SLC36A3: variants seen among roughly 807,000 people sequenced by gnomAD.
SLC36A3 encodes solute carrier family 36 member 3, also known as proton-coupled amino acid transporter 3.
A neutral mutation model predicts 44.3 loss-of-function variants in SLC36A3; 35 were observed. The ratio of observed to expected loss-of-function variants is 0.79; its 90% CI spans 0.60 to 1.05. The LOEUF (loss-of-function observed/expected upper bound fraction) is 1.05. Among genes scored for constraint, SLC36A3 ranks in the 50% least tolerant of loss-of-function variants. The probability of loss-of-function intolerance (pLI) is 0.00; values close to 1 mark genes in which losing one functional copy is unlikely to be tolerated. For synonymous variants in SLC36A3, 211 were observed against 227.6 expected (o/e 0.93, Z 0.66); for missense variants, 540 against 578.7 (o/e 0.93, Z 0.69).
rs747899241 is a variant in SLC36A3, at chr5:151,284,180, G to T, written c.838C>A (p.Pro280Thr). 1.9e-6 allele frequency: 3 copies of T among 1,611,722 alleles called. No homozygotes were observed. The highest frequency in any genetic ancestry group is 2.5e-6 in the Non-Finnish European group (3 of 1,179,290). The change falls in exon 8 of 10, where the codon CCA becomes ACA. Residue 280 changes from proline to threonine, a missense_variant. Pro to Thr is a conservative substitution (Grantham distance 38). Coordinates refer to ENST00000335230, the MANE Select transcript of SLC36A3 (RefSeq NM_181774.4). ...TACAGAACAAAAGAAAACTGCTGTG[G>T]ATGCTTCATCTGGTTTTTGAGAGGC... ...VLPLKNQMKH[P>T]QQFSFVLYLG...
At chr5:151,279,424 G>T (rs1279741001) in intron 9 of SLC36A3, among the ~76,000 whole-genome samples, 1 of 152,174 alleles carries the variant, frequency 6.6e-6, no homozygotes, top group Non-Finnish European at 1.5e-5. Context: ...CACAATGCCA[G>T]GTATGTAGTA....
At chr5:151,299,264 C>CTCTCTCTCTCTCTCTCTATA (rs1372309288) in intron 1 of SLC36A3, among the ~76,000 whole-genome samples, 7 of 59,646 alleles carry the variant, frequency 1.2e-4, no homozygotes, top group Admixed American at 2.4e-4. Context: ...CTCTCTCTCT[C>CTCTCTCTCTCTCTCTCTATA]TATATATATA....
chr5:151,279,632 T>C (rs980294022), intron 9 of SLC36A3, among the ~76,000 whole-genome samples: 8 of 152,186 alleles, frequency 5.3e-5, no homozygotes, highest in African/African-American at 1.2e-4. Flanking sequence ...CCCTTCCTAG[T>C]AGGAATGATC....
Position 151,298,573 on chromosome 5 carries a change from ATCCCAC to A in SLC36A3, c.219+14_219+19del. On this transcript the variant is annotated intron_variant, in intron 2 of 9. Coordinates refer to ENST00000335230, the MANE Select transcript of SLC36A3 (RefSeq NM_181774.4). ...CTGCAAATGAGCAAACCTAGTTCCC[ATCCCAC>A]AGATGCCTCTTACCAACAAGCCGGC... 6.2e-7 allele frequency: 1 copy of A among 1,613,552 alleles called. No individual in the cohort carries two copies. Among genetic ancestry groups the A allele is most frequent in the African/African-American group, 1.3e-5 (1 of 75,028 alleles).
chr5:151,292,992 C>T (rs182694668), intron 4 of SLC36A3, among the ~76,000 whole-genome samples: 4 of 151,756 alleles, frequency 2.6e-5, no homozygotes, highest in Non-Finnish European at 4.4e-5. Context: ...CCCTCCCCCC[C>T]CAAAAATGAG....
In SLC36A3 at chr5:151,296,171, G is replaced by C; in HGVS notation, c.308+9C>G. 1 of 1,613,854 alleles carries C rather than the reference G, an allele frequency of 6.2e-7. No individual in the cohort carries two copies. Among genetic ancestry groups the C allele is most frequent in the Non-Finnish European group, 8.5e-7 (1 of 1,179,818 alleles). ...CAGTGCTGGAATGAGAGAGAAGCAG[G>C]CCTCTGACCTCTGGCTGAGGTGTTG... is the stretch of plus-strand genomic sequence containing the variant. On this transcript the variant is annotated intron_variant, in intron 3 of 9. Transcript: ENST00000335230.
chr5:151,289,470 T>C lies in SLC36A3; in HGVS notation c.405-1000A>G, dbSNP rs75489715. Among the ~76,000 whole-genome samples the C allele has an allele frequency of 9.7e-3, 1,466 of 151,166 alleles. 16 individuals carry two copies. Among genetic ancestry groups the C allele is most frequent in the African/African-American group, 0.034 (1,394 of 41,068 alleles). ...ATGATCACACCACTACACTCTAGCCTGAGAAACAGAGTGAGAATCTGCCTC... is the reference window on the plus strand; with the variant it reads ...ATGATCACACCACTACACTCTAGCCCGAGAAACAGAGTGAGAATCTGCCTC... On this transcript the variant is annotated intron_variant, in intron 4 of 9. Coordinates refer to ENST00000335230, the MANE Select transcript of SLC36A3 (RefSeq NM_181774.4).
In SLC36A3 at chr5:151,303,536, G is replaced by C. The variant is rs1024932217; in HGVS notation, c.-182C>G. On this transcript the variant is annotated 5_prime_UTR_variant, in exon 1 of 10. Transcript: ENST00000335230. Reference sequence around the variant, plus strand: ...CAGGGAAGCGGTGGTGGCAGGAGAGGCTGATGTTGATGATGCCTCACCTGG... The same window carrying C: ...CAGGGAAGCGGTGGTGGCAGGAGAGCCTGATGTTGATGATGCCTCACCTGG... The C allele has an allele frequency of 1.8e-5, 10 of 565,198 alleles. No individual in the cohort carries two copies. The highest frequency in any genetic ancestry group is 1.5e-4 in the African/African-American group (8 of 53,342). The allele number at this position is 565,198 out of a possible 1,614,324, so 35.0% of individuals were successfully genotyped here.
Position 151,298,821 on chromosome 5 carries a change from A to G in SLC36A3, c.129-138T>C, listed in dbSNP as rs1755050899. 1.1e-5 allele frequency: 8 copies of G among 725,360 alleles called. No individual in the cohort carries two copies. The South Asian group carries it at 1.4e-4, about 12-fold the overall frequency. 44.9% of individuals were successfully genotyped at this position (725,360 alleles called of 1,614,324 possible). On this transcript the variant is annotated intron_variant, in intron 1 of 9. Transcript: ENST00000335230. ...ACCTGATGAGGTGGACTTGGAGACAACTCTCAGTTCTAGGGGTCTGTCCTG... is the reference window on the plus strand; with the variant it reads ...ACCTGATGAGGTGGACTTGGAGACAGCTCTCAGTTCTAGGGGTCTGTCCTG...
chr5:151,301,095 C>T (rs1028792262), intron 1 of SLC36A3, among the ~76,000 whole-genome samples: 8 of 152,164 alleles, frequency 5.3e-5, no homozygotes, highest in African/African-American at 1.2e-4. Context: ...ATTAAGACAG[C>T]GAAAGAAATC....
rs761022032 is a variant in SLC36A3 at position 151,280,977 on chromosome 5, T to C, written c.1144+37A>G. ...TGGGCGCCAGCGTGGCTCCCTGTCATAGCTTTGGGTAAAGAGTGCCCTTTT... is the reference window on the plus strand; with the variant it reads ...TGGGCGCCAGCGTGGCTCCCTGTCACAGCTTTGGGTAAAGAGTGCCCTTTT... On this transcript the variant is annotated intron_variant, in intron 9 of 9. Coordinates refer to ENST00000335230, the MANE Select transcript of SLC36A3 (RefSeq NM_181774.4). The C allele has an allele frequency of 1.1e-5, 18 of 1,612,590 alleles. 1 individual carries two copies. The highest frequency in any genetic ancestry group is 1.6e-4 in the Middle Eastern group (1 of 6,078).
In SLC36A3 at chr5:151,276,372, A is replaced by G. The variant is rs979865120; in HGVS notation, c.*1021T>C. ...AGTTTGTATTCTTTTTTTGGTCTGG[A>G]TTTTGTCATTCAGCATATTTATTTT... On this transcript the variant is annotated 3_prime_UTR_variant, in exon 10 of 10. Coordinates refer to ENST00000335230, the MANE Select transcript of SLC36A3 (RefSeq NM_181774.4). 6.6e-6 allele frequency among the ~76,000 whole-genome samples: 1 copy of G among 152,004 alleles called. No homozygotes were observed. The highest frequency in any genetic ancestry group is 6.6e-5 in the Admixed American group (1 of 15,262).
chr5:151,280,911 G>C, intron 9 of SLC36A3, 103 bp downstream of exon 9: 1 of 1,421,582 alleles, frequency 7.0e-7, no homozygotes, highest in Non-Finnish European at 9.7e-7. Flanking sequence ...TCCCACCCTA[G>C]GTCACAAAGA....
At chr5:151,302,404 A>C (rs1366012939) in intron 1 of SLC36A3, among the ~76,000 whole-genome samples, 1 of 152,218 alleles carries the variant, frequency 6.6e-6, no homozygotes, top group Non-Finnish European at 1.5e-5. Flanking sequence ...AGTTCTGTTG[A>C]AATCATGTCC....
chr5:151,283,057 A>G (rs572777165), intron 8 of SLC36A3, among the ~76,000 whole-genome samples: 8 of 151,790 alleles, frequency 5.3e-5, no homozygotes, highest in Non-Finnish European at 8.8e-5. Context: ...GCTAATTTTG[A>G]TATTTTTTAG....
intron 2 of SLC36A3, 63 bp downstream of exon 2, chr5:151,298,530 A>G (rs2127272137): frequency 6.5e-7 from 1 of 1,535,524 alleles, no homozygotes; most frequent in Non-Finnish European, 9.0e-7. Context: ...GAAGGCCTTC[A>G]GGACCTATCA....
Position 151,300,885 on chromosome 5 carries a change from G to A in SLC36A3, c.129-2202C>T, listed in dbSNP as rs186057087. Among the ~76,000 whole-genome samples, 71 of 152,278 alleles carry A rather than the reference G, an allele frequency of 4.7e-4. No individual in the cohort carries two copies. In the East Asian group the frequency reaches 0.013, roughly 28 times the overall value. On this transcript the variant is annotated intron_variant, in intron 1 of 9. Coordinates refer to ENST00000335230, the MANE Select transcript of SLC36A3 (RefSeq NM_181774.4). ...CACCGAATTTTACATAAAGAGAACC[G>A]CTATGCATGCTGGATCCTCAACTAA...
At chr5:151,290,112 A>G (rs1460791338) in intron 4 of SLC36A3, among the ~76,000 whole-genome samples, 1 of 152,196 alleles carries the variant, frequency 6.6e-6, no homozygotes, top group Non-Finnish European at 1.5e-5. Flanking sequence ...TAAATTTAAT[A>G]TCTTATACTC....
At chr5:151,291,354 T>C (rs989479822) in intron 4 of SLC36A3, among the ~76,000 whole-genome samples, 9 of 152,216 alleles carry the variant, frequency 5.9e-5, no homozygotes, top group Admixed American at 5.2e-4. Context: ...ATATCTGTCT[T>C]ACAGTTGGTT....
Sources: gnomAD v4.1 joint callset for allele counts (sites outside exome capture counted in the v4.1 genomes callset) on GRCh38, gnomAD v4.1.1 for gene constraint, MANE v1.5 for transcripts, NCBI Gene and HGNC (gene_info 2026-07-23, HGNC 2026-07-21) for gene names.